The following STOX2 variants were observed in gnomAD, a reference collection of about 807,000 sequenced individuals.
The protein encoded by STOX2 is storkhead box 2, also known as storkhead-box protein 2.
In STOX2, 28 loss-of-function variants were observed where a neutral mutation model predicts 60.9. That is an observed-to-expected ratio of 0.46 (90% CI 0.34 to 0.63). The LOEUF is 0.63. Among genes scored for constraint, STOX2 ranks in the 30% least tolerant of loss-of-function variants. The pLI is 0.01. For synonymous variants in STOX2, 472 were observed against 463.9 expected (o/e 1.02, Z -0.22); for missense variants, 1,024 against 1,187.7 (o/e 0.86, Z 2.03).
At chr4:183,974,605 G>A (rs952496220) in intron 1 of STOX2, among the ~76,000 whole-genome samples, 2 of 151,934 alleles carry the variant, frequency 1.3e-5, no homozygotes, top group African/African-American at 4.8e-5. Flanking sequence ...AAAATTACCA[G>A]GGATAAAGAA....
intron 1 of STOX2, among the ~76,000 whole-genome samples, chr4:183,946,477 G>A (rs549436227): frequency 6.8e-4 from 103 of 152,224 alleles, no homozygotes; most frequent in South Asian, 2.5e-3. Flanking sequence ...AGTATAAAAT[G>A]TCCTCCATAT....
intron 1 of STOX2, among the ~76,000 whole-genome samples, chr4:183,919,766 T>C (rs1742045751): frequency 6.6e-6 from 1 of 152,048 alleles, no homozygotes; most frequent in Non-Finnish European, 1.5e-5. Flanking sequence ...CCACCATACC[T>C]GGCTATTTTT....
In STOX2 at chr4:183,945,356, A is replaced by T. The variant is rs539947868; in HGVS notation, c.166+38400A>T. ...CACAGCGGAGAGAGAGAGGGTCGTGACAGTATACCCATTCCTTGGTGAGAG... is the reference window on the plus strand; with the variant it reads ...CACAGCGGAGAGAGAGAGGGTCGTGTCAGTATACCCATTCCTTGGTGAGAG... On this transcript the variant is annotated intron_variant, in intron 1 of 3. Transcript: ENST00000308497. Among the ~76,000 whole-genome samples, 6 of 152,334 alleles carry T rather than the reference A, an allele frequency of 3.9e-5. No homozygotes were observed. The East Asian group carries it at 1.2e-3, about 29-fold the overall frequency.
intron 3 of STOX2, among the ~76,000 whole-genome samples, chr4:184,013,599 T>G (rs1734245585): frequency 1.3e-5 from 2 of 152,224 alleles, no homozygotes; most frequent in African/African-American, 4.8e-5. Context: ...ACCCTTCGAT[T>G]AGAAGCTAGG....
chr4:183,946,494 G>A (rs771030649), intron 1 of STOX2, among the ~76,000 whole-genome samples: 7 of 152,142 alleles, frequency 4.6e-5, no homozygotes, highest in Non-Finnish European at 8.8e-5. Context: ...ATATCTGTGG[G>A]TTCTGCATCC....
chr4:183,952,172 C>T (rs1709712579), intron 1 of STOX2, among the ~76,000 whole-genome samples: 1 of 152,170 alleles, frequency 6.6e-6, no homozygotes, highest in Non-Finnish European at 1.5e-5. Context: ...CCCAGTCATG[C>T]ATATTTCAAA....
intron 1 of STOX2, among the ~76,000 whole-genome samples, chr4:183,973,335 A>G (rs1056635584): frequency 2.6e-5 from 4 of 152,230 alleles, no homozygotes; most frequent in African/African-American, 9.6e-5. Context: ...AAAATGCTAC[A>G]TAACATATAA....
chr4:183,860,088 C>T (rs1053915052), intron 1 of STOX2, among the ~76,000 whole-genome samples: 48 of 149,526 alleles, frequency 3.2e-4, no homozygotes, highest in Non-Finnish European at 5.5e-4. Context: ...AAATCATATT[C>T]TTTTTTTTTT....
intron 1 of STOX2, among the ~76,000 whole-genome samples, chr4:183,810,910 G>C (rs907282425): frequency 2.0e-5 from 3 of 152,092 alleles, no homozygotes; most frequent in Non-Finnish European, 2.9e-5. Context: ...GACAAGGCAC[G>C]AGGGGATTTC....
At chr4:183,979,715 C>A (rs1011847159) in intron 1 of STOX2, among the ~76,000 whole-genome samples, 63 of 152,112 alleles carry the variant, frequency 4.1e-4, no homozygotes, top group African/African-American at 1.4e-3. Flanking sequence ...ATGACATAAA[C>A]TTTTTCTGCC....
intron 1 of STOX2, among the ~76,000 whole-genome samples, chr4:183,829,096 T>C (rs1353538653): frequency 2.6e-5 from 4 of 152,250 alleles, no homozygotes; most frequent in African/African-American, 4.8e-5. Context: ...ATTTTGCCAA[T>C]TAGCATTAAG....
At chr4:183,997,571 G>A (rs145472158) in intron 1 of STOX2, among the ~76,000 whole-genome samples, 9 of 152,322 alleles carry the variant, frequency 5.9e-5, no homozygotes, top group African/African-American at 2.2e-4. Context: ...AGGCAGGAGG[G>A]AAGGCTGAAC....
chr4:183,864,097 C>T (rs1740511313), intron 1 of STOX2, among the ~76,000 whole-genome samples: 1 of 152,082 alleles, frequency 6.6e-6, no homozygotes, highest in Non-Finnish European at 1.5e-5. Context: ...TAGAGTTCTG[C>T]ATTTCCCAAA....
chr4:183,986,605 C>T (rs1162222923), intron 1 of STOX2, among the ~76,000 whole-genome samples: 1 of 152,274 alleles, frequency 6.6e-6, no homozygotes, highest in African/African-American at 2.4e-5. Context: ...AGACTCTAGG[C>T]AGCTAGAGAA....
chr4:183,966,949 T>C (rs371127600), intron 1 of STOX2, among the ~76,000 whole-genome samples: 54 of 152,308 alleles, frequency 3.5e-4, no homozygotes, highest in African/African-American at 1.1e-3. Flanking sequence ...ATGGAGATAA[T>C]AGTATTTGTT....
chr4:183,987,959 A>G (rs1335173037), intron 1 of STOX2: 1 of 152,060 alleles, frequency 6.6e-6, no homozygotes, highest in Non-Finnish European at 1.5e-5. Context: ...ATCAATTTTA[A>G]TGTGTGTGTT....
chr4:183,959,351 G>A (rs1327873291), intron 1 of STOX2, among the ~76,000 whole-genome samples: 1 of 152,080 alleles, frequency 6.6e-6, no homozygotes, highest in Non-Finnish European at 1.5e-5. Flanking sequence ...TTTCAAAAAG[G>A]TGATATTCGT....
At position 184,017,413 on chromosome 4, in the gene STOX2, C is replaced by A; in HGVS notation, c.*129C>A. On this transcript the variant is annotated 3_prime_UTR_variant, in exon 4 of 4. Coordinates refer to ENST00000308497, the MANE Select transcript of STOX2 (RefSeq NM_020225.3). The stretch of plus-strand genomic sequence containing the variant: ...TTTTGTGTTTACTTAAACTGTGCTG[C>A]TAAGTAGGGCTAGGGCAAAAAAACA... 1 of 964,512 alleles carries A rather than the reference C, an allele frequency of 1.0e-6. No homozygotes were observed. The highest frequency in any genetic ancestry group is 1.5e-6 in the Non-Finnish European group (1 of 671,354). 59.7% of individuals were successfully genotyped at this position (964,512 alleles called of 1,614,324 possible).
chr4:183,833,218 T>C (rs1396248802), intron 1 of STOX2, among the ~76,000 whole-genome samples: 2 of 152,160 alleles, frequency 1.3e-5, no homozygotes, highest in African/African-American at 2.4e-5. Context: ...CTTCCTGATT[T>C]TGTAGGAGCG....
Sources: gnomAD v4.1 joint callset for allele counts (sites outside exome capture counted in the v4.1 genomes callset) on GRCh38, gnomAD v4.1.1 for gene constraint, MANE v1.5 for transcripts, NCBI Gene and HGNC (gene_info 2026-07-23, HGNC 2026-07-21) for gene names.